The following TK1 variants were observed in gnomAD, a reference collection of about 807,000 sequenced individuals.
The protein encoded by TK1 is thymidine kinase, cytosolic.
A neutral mutation model predicts 22.4 loss-of-function variants in TK1; 13 were observed. The ratio of observed to expected loss-of-function variants is 0.58; its 90% confidence interval spans 0.38 to 0.92. The LOEUF (loss-of-function observed/expected upper bound fraction) is 0.92. Ranked by LOEUF, TK1 falls within the 40% of genes least tolerant of loss-of-function variation. The probability of loss-of-function intolerance (pLI) is 0.00; values close to 1 mark genes in which losing one functional copy is unlikely to be tolerated. For missense variants in TK1, 251 were observed against 315.7 expected (o/e 0.80, Z 1.55); for synonymous variants, 134 against 125.4 (o/e 1.07, Z -0.46).
chr17:78,182,140 A>G (rs991114092), intron 4 of TK1, among the ~76,000 whole-genome samples: 1 of 152,012 alleles, frequency 6.6e-6, no homozygotes, highest in Non-Finnish European at 1.5e-5. Flanking sequence ...TTGGGAGTTC[A>G]AGGCGGGGCG....
rs546388011 is a variant in TK1 at position 78,176,169 on chromosome 17, G to A, written c.304-551C>T. 9.9e-5 allele frequency among the ~76,000 whole-genome samples: 15 copies of A among 152,264 alleles called. No individual in the cohort carries two copies. In the East Asian group the frequency reaches 2.5e-3, roughly 25 times the overall value. On this transcript the variant is annotated intron_variant, in intron 4 of 6. Coordinates refer to ENST00000301634, the MANE Select transcript of TK1 (RefSeq NM_003258.5). ...TTGAGAAGGGGCGGGGGTCCTACTG[G>A]CCATTTACAGAGCAGGATGACACAG... is the stretch of plus-strand genomic sequence containing the variant.
Position 78,185,139 on chromosome 17 carries a change from C to T in TK1, c.125G>A (p.Arg42His), listed in dbSNP as rs758946116. 18 of 1,611,718 alleles carry T rather than the reference C, an allele frequency of 1.1e-5. No individual in the cohort carries two copies. Among genetic ancestry groups the T allele is most frequent in the African/African-American group, 5.4e-5 (4 of 74,092 alleles). ...GCACTTGTACTGAGCAATCTGGAAG[C>T]GACGGACGCGTCTCATCAACTCTGT... ...KSTELMRRVRRFQIAQYKCLV... is the reference protein window; with the variant it reads ...KSTELMRRVRHFQIAQYKCLV... Residue 42 changes from arginine to histidine, a missense_variant, in exon 3 of 7, where the codon CGC (arginine) becomes CAC (histidine). By Grantham distance (29) the Arg-to-His change is conservative. Transcript: ENST00000301634.
At chr17:78,187,084 G>T (rs2075813788), upstream of TK1, 2 of 1,387,112 alleles carry the variant, frequency 1.4e-6, no homozygotes, top group Non-Finnish European at 2.0e-6. Flanking sequence ...TTTAAACCAC[G>T]GCGTGCTGGC....
intron 4 of TK1, among the ~76,000 whole-genome samples, chr17:78,182,371 C>CA (rs560357822): frequency 0.011 from 873 of 82,082 alleles, 8 homozygotes; most frequent in African/African-American, 0.038. Flanking sequence ...AACTCCGTCT[C>CA]AAAAAAAAAA....
At chr17:78,185,009 C>G in intron 3 of TK1, 46 bp downstream of exon 3, 1 of 1,438,288 alleles carries the variant, frequency 7.0e-7, no homozygotes, top group Non-Finnish European at 9.8e-7. Context: ...GTGTCCTGTG[C>G]CTTGTGATTT....
chr17:78,175,584 G>A lies in TK1; in HGVS notation c.338C>T (p.Ala113Val). The change falls in exon 5 of 7, where the codon GCC becomes GTC. Residue 113 changes from alanine (A) to valine (V), a missense_variant. Transcript: ENST00000301634. ...CACAATTACGGTCTTCCCGGCGTTGGCCATGGCCTCGCAGAACTCCACGAT... is the reference window on the plus strand; with the variant it reads ...CACAATTACGGTCTTCCCGGCGTTGACCATGGCCTCGCAGAACTCCACGAT... ...PDIVEFCEAM[A>V]NAGKTVIVAA... The A allele has an allele frequency of 6.2e-7, 1 of 1,613,696 alleles. No homozygotes were observed. Among genetic ancestry groups the A allele is most frequent in the Non-Finnish European group, 8.5e-7 (1 of 1,179,852 alleles).
intron 4 of TK1, among the ~76,000 whole-genome samples, chr17:78,182,142 G>A (rs2075742157): frequency 6.6e-6 from 1 of 152,086 alleles, no homozygotes; most frequent in East Asian, 1.9e-4. Context: ...GGGAGTTCAA[G>A]GCGGGGCGGA....
At chr17:78,176,102 C>G (rs981491130) in intron 4 of TK1, among the ~76,000 whole-genome samples, 1 of 152,176 alleles carries the variant, frequency 6.6e-6, no homozygotes, top group Non-Finnish European at 1.5e-5. Flanking sequence ...TAGGTGGGCG[C>G]TTTGTGCTCT....
chr17:78,183,222 A>G (rs185361607), intron 3 of TK1, among the ~76,000 whole-genome samples: 1 of 151,558 alleles, frequency 6.6e-6, no homozygotes, highest in Non-Finnish European at 1.5e-5. Flanking sequence ...GAGACTAAAA[A>G]CTCTTCCACT....
At chr17:78,176,776 G>A (rs370825662) in intron 4 of TK1, among the ~76,000 whole-genome samples, 15 of 152,294 alleles carry the variant, frequency 9.8e-5, no homozygotes, top group Admixed American at 4.6e-4. Flanking sequence ...GCCGGATCTC[G>A]CTGTGTCCTG....
intron 4 of TK1, chr17:78,179,454 G>C (rs2075723869): frequency 2.0e-6 from 2 of 985,340 alleles, no homozygotes; most frequent in South Asian, 9.4e-5. Context: ...CCCAAGCGGG[G>C]AGGAGATGCC....
intron 6 of TK1, 38 bp downstream of exon 6, chr17:78,175,012 C>A: frequency 1.2e-6 from 2 of 1,610,828 alleles, no homozygotes; most frequent in Non-Finnish European, 1.7e-6. Context: ...AGCCATACCC[C>A]CACCCCGCCG....
chr17:78,182,467 G>A (rs1325070389), intron 4 of TK1, 122 bp downstream of exon 4: 3 of 674,764 alleles, frequency 4.4e-6, no homozygotes, highest in African/African-American at 1.8e-5. Context: ...TCCAACACTA[G>A]TTGTAGCTAT....
chr17:78,178,835 G>C (rs2075719324), intron 4 of TK1, among the ~76,000 whole-genome samples: 1 of 152,292 alleles, frequency 6.6e-6, no homozygotes, highest in Admixed American at 6.5e-5. Flanking sequence ...AGTAGAGACG[G>C]AGTTTCTCCA....
At chr17:78,181,452 C>A (rs941668117) in intron 4 of TK1, among the ~76,000 whole-genome samples, 1 of 150,638 alleles carries the variant, frequency 6.6e-6, no homozygotes, top group Non-Finnish European at 1.5e-5. Context: ...GTGGGAAAAT[C>A]GCTTGAATCC....
chr17:78,181,494 C>T (rs1372898552), intron 4 of TK1, among the ~76,000 whole-genome samples: 3 of 149,646 alleles, frequency 2.0e-5, no homozygotes, highest in African/African-American at 7.4e-5. Context: ...GCCGAGATCA[C>T]GCCATTGCAC....
At chr17:78,177,094 G>C (rs7217417) in intron 4 of TK1, among the ~76,000 whole-genome samples, 16,720 of 152,144 alleles carry the variant, frequency 0.11, 1,656 homozygotes, top group African/African-American at 0.26. Flanking sequence ...CTTGGTTCTT[G>C]CACCCGGCAC....
intron 4 of TK1, 131 bp from the exon 5 acceptor site, chr17:78,175,749 C>A: frequency 1.4e-6 from 1 of 740,484 alleles, no homozygotes; most frequent in Non-Finnish European, 2.2e-6. Flanking sequence ...AATTCTCCCA[C>A]GAGGCTCCCC....
chr17:78,178,137 CT>C (rs1372095274), intron 4 of TK1, among the ~76,000 whole-genome samples: 1 of 152,128 alleles, frequency 6.6e-6, no homozygotes, highest in Non-Finnish European at 1.5e-5. Flanking sequence ...TTCCAAAGTG[CT>C]GGGATTACAG....
Sources: gnomAD v4.1 joint callset for allele counts (sites outside exome capture counted in the v4.1 genomes callset) on GRCh38, gnomAD v4.1.1 for gene constraint, MANE v1.5 for transcripts, NCBI Gene and HGNC (gene_info 2026-07-23, HGNC 2026-07-21) for gene names.